Variants in JAZF1 observed in about 807,000 individuals in gnomAD.
The protein encoded by JAZF1 is JAZF zinc finger 1.
In JAZF1, 8 loss-of-function variants were observed where a neutral mutation model predicts 26.4. The observed-to-expected ratio is 0.30, with a 90% CI of 0.18 to 0.55. The LOEUF is 0.55. Ranked by LOEUF, JAZF1 falls within the 20% of genes least tolerant of loss-of-function variation. The pLI, the probability that JAZF1 is intolerant of heterozygous loss-of-function variation, is 0.94. For synonymous variants in JAZF1, 126 were observed against 122.3 expected, an observed-to-expected ratio of 1.03 and a Z score of -0.20; for missense variants, 199 against 322.0, an observed-to-expected ratio of 0.62 and a Z score of 2.92.
At chr7:27,883,321 A>T (rs1583446417) in intron 3 of JAZF1, among the ~76,000 whole-genome samples, 2 of 152,258 alleles carry the variant, frequency 1.3e-5, no homozygotes, top group Non-Finnish European at 2.9e-5. Context: ...ACGAAGTGAA[A>T]TATGGCTGTA....
At chr7:28,000,622 C>CTTTCT (rs1279333326) in intron 1 of JAZF1, among the ~76,000 whole-genome samples, 693 of 62,050 alleles carry the variant, frequency 0.011, 5 homozygotes, top group African/African-American at 0.027. Context: ...TTCTTTCTTT[C>CTTTCT]TTTTTTTTTT....
At chr7:27,860,404 C>A (rs1783358984) in intron 3 of JAZF1, among the ~76,000 whole-genome samples, 1 of 152,178 alleles carries the variant, frequency 6.6e-6, no homozygotes, top group Admixed American at 6.5e-5. Flanking sequence ...TGACACTGAG[C>A]CATGGGATGA....
At chr7:27,878,640 C>T (rs116333043) in intron 3 of JAZF1, among the ~76,000 whole-genome samples, 3,479 of 152,190 alleles carry the variant, frequency 0.023, 127 homozygotes, top group African/African-American at 0.08. Context: ...TTTCTTTAAT[C>T]GGGAGGAGTT....
intron 1 of JAZF1, among the ~76,000 whole-genome samples, chr7:28,137,740 G>A (rs549942600): frequency 4.6e-5 from 7 of 152,238 alleles, no homozygotes; most frequent in Admixed American, 4.6e-4. Flanking sequence ...AACTCAGGAT[G>A]GCCAACTTCG....
chr7:27,869,307 C>T (rs1001031859), intron 3 of JAZF1, among the ~76,000 whole-genome samples: 2 of 152,176 alleles, frequency 1.3e-5, no homozygotes, highest in African/African-American at 2.4e-5. Flanking sequence ...AATGGAAATG[C>T]GATGAATGAC....
At chr7:28,039,486 C>T (rs1783353219) in intron 1 of JAZF1, among the ~76,000 whole-genome samples, 1 of 152,086 alleles carries the variant, frequency 6.6e-6, no homozygotes, top group South Asian at 2.1e-4. Context: ...AATGTGCCTC[C>T]CCTGCCCCAT....
At position 28,035,966 on chromosome 7, in the gene JAZF1, T is replaced by C. The variant is rs17156240; in HGVS notation, c.116-43985A>G. On this transcript the variant is annotated intron_variant, in intron 1 of 4. Coordinates refer to ENST00000283928, the MANE Select transcript of JAZF1 (RefSeq NM_175061.4). ...TGGAAGAAGATATATTTGTGAAAAT[T>C]CAGCAGGAAGACCTTATCTTTTTTT... is the stretch of plus-strand genomic sequence containing the variant. Among the ~76,000 whole-genome samples the C allele has an allele frequency of 0.022, 3,413 of 152,304 alleles. 324 individuals carry two copies. The East Asian group carries it at 0.33, about 15-fold the overall frequency.
chr7:28,021,115 T>C (rs1782999546), intron 1 of JAZF1, among the ~76,000 whole-genome samples: 1 of 152,012 alleles, frequency 6.6e-6, no homozygotes, highest in Non-Finnish European at 1.5e-5. Context: ...CAACAAGGGA[T>C]GGGCAGGACC....
chr7:28,173,551 T>C (rs563944282), intron 1 of JAZF1, among the ~76,000 whole-genome samples: 2 of 152,236 alleles, frequency 1.3e-5, no homozygotes, highest in East Asian at 1.9e-4. Flanking sequence ...ATATCAATTA[T>C]ATCTATAATA....
At chr7:27,959,039 A>G (rs1439621860) in intron 2 of JAZF1, among the ~76,000 whole-genome samples, 1 of 152,240 alleles carries the variant, frequency 6.6e-6, no homozygotes, top group Non-Finnish European at 1.5e-5. Flanking sequence ...GGCAGCAATC[A>G]TTTGAGGAAA....
At chr7:27,851,101 C>G (rs1462940805) in intron 3 of JAZF1, among the ~76,000 whole-genome samples, 1 of 152,236 alleles carries the variant, frequency 6.6e-6, no homozygotes, top group Admixed American at 6.5e-5. Flanking sequence ...GGCCACCACG[C>G]CTGGCTAGTT....
rs116928449 is a variant in JAZF1, at chr7:28,027,395, C to T, written c.116-35414G>A. Among the ~76,000 whole-genome samples, 792 of 152,274 alleles carry T rather than the reference C, an allele frequency of 5.2e-3. 4 individuals carry two copies. Among genetic ancestry groups the T allele is most frequent in the Middle Eastern group, 0.014 (4 of 294 alleles). On this transcript the variant is annotated intron_variant, in intron 1 of 4. Transcript: ENST00000283928. ...TTCTTGTTTGGTTATTAAAATACCC[C>T]TTATTTGTGAAATAATGTGGGACAG... is the stretch of plus-strand genomic sequence containing the variant.
intron 2 of JAZF1, among the ~76,000 whole-genome samples, chr7:27,958,145 A>G (rs1170734066): frequency 6.6e-6 from 1 of 152,208 alleles, no homozygotes; most frequent in Non-Finnish European, 1.5e-5. Context: ...TCTCTCTGTA[A>G]TGGTATAAAG....
At chr7:28,063,864 T>C (rs985286566) in intron 1 of JAZF1, among the ~76,000 whole-genome samples, 1 of 152,152 alleles carries the variant, frequency 6.6e-6, no homozygotes, top group African/African-American at 2.4e-5. Context: ...CCTGAATAAA[T>C]AGTTTCCAAT....
At chr7:28,002,143 A>G (rs1357272796) in intron 1 of JAZF1, among the ~76,000 whole-genome samples, 1 of 152,192 alleles carries the variant, frequency 6.6e-6, no homozygotes, top group Non-Finnish European at 1.5e-5. Context: ...CAAAACAATC[A>G]TATTCCATAA....
At chr7:28,171,171 C>G (rs1783463914) in intron 1 of JAZF1, among the ~76,000 whole-genome samples, 1 of 152,186 alleles carries the variant, frequency 6.6e-6, no homozygotes, top group Admixed American at 6.5e-5. Context: ...TCCTGTGTAC[C>G]AAATACCCCT....
At chr7:27,903,292 C>T (rs750366172) in intron 2 of JAZF1, among the ~76,000 whole-genome samples, 2 of 152,058 alleles carry the variant, frequency 1.3e-5, no homozygotes, top group East Asian at 1.9e-4. Context: ...CACTAGCAGC[C>T]GTGTGATTTT....
intron 2 of JAZF1, among the ~76,000 whole-genome samples, chr7:27,921,308 C>G (rs1403049199): frequency 1.3e-5 from 2 of 151,808 alleles, no homozygotes; most frequent in Non-Finnish European, 2.9e-5. Flanking sequence ...AGCCTCTGGG[C>G]TTCCCCTTCC....
At chr7:28,003,590 A>C (rs1782643441) in intron 1 of JAZF1, among the ~76,000 whole-genome samples, 1 of 152,224 alleles carries the variant, frequency 6.6e-6, no homozygotes. Flanking sequence ...ACATGTAATA[A>C]CACCACCTAC....
Sources: gnomAD v4.1 joint callset for allele counts (sites outside exome capture counted in the v4.1 genomes callset) on GRCh38, gnomAD v4.1.1 for gene constraint, MANE v1.5 for transcripts, NCBI Gene and HGNC (gene_info 2026-07-23, HGNC 2026-07-21) for gene names.